The following ALG12 variants were observed in gnomAD, a reference collection of about 807,000 sequenced individuals.
The protein encoded by ALG12 is dol-P-Man:Man(7)GlcNAc(2)-PP-Dol alpha-1,6-mannosyltransferase.
A neutral mutation model predicts 46.0 loss-of-function variants in ALG12; 36 were observed. The ratio of observed to expected loss-of-function variants is 0.78; its 90% CI spans 0.60 to 1.03. The LOEUF (loss-of-function observed/expected upper bound fraction) is 1.03. ALG12 is among the 50% of genes least tolerant of loss of function. The pLI is 0.00. For missense variants in ALG12, 599 were observed against 633.5 expected (o/e 0.95, Z 0.58); for synonymous variants, 326 against 291.6 (o/e 1.12, Z -1.20).
chr22:49,868,979 C>T, the ALG12 span, among the ~76,000 whole-genome samples: 2 of 149,082 alleles, frequency 1.3e-5, no homozygotes, highest in African/African-American at 5.0e-5. Context: ...AAAAAATTAG[C>T]TGGGTGTGAT....
chr22:49,866,103 A>G, the ALG12 span, among the ~76,000 whole-genome samples: 3 of 149,698 alleles, frequency 2.0e-5, no homozygotes, highest in East Asian at 3.9e-4. Flanking sequence ...TTTCTTTCCA[A>G]GTGACTTTGT....
In ALG12 at chr22:49,913,586, A is replaced by G. The variant is rs2060593030; in HGVS notation, c.162+18T>C. 6.2e-7 allele frequency: 1 copy of G among 1,614,018 alleles called. No individual in the cohort carries two copies. Among genetic ancestry groups the G allele is most frequent in the Non-Finnish European group, 8.5e-7 (1 of 1,180,036 alleles). On this transcript the variant is annotated intron_variant, in intron 2 of 9. Transcript: ENST00000330817. ...TGGTAACATGAGGTTTTCCCCAAAG[A>G]CAGCAGGGGCCCCTCACCTGCTCCA...
chr22:49,900,724 TGGG>T lies in ALG12; in HGVS notation c.*3111_*3113del, dbSNP rs1232989075. The T allele has an allele frequency of 9.0e-5, 13 of 144,912 alleles. No homozygotes were observed. The highest frequency in any genetic ancestry group is 1.8e-4 in the Non-Finnish European group (12 of 64,974). The allele number at this position is 144,912 out of a possible 1,614,324, so 9.0% of individuals were successfully genotyped here. On this transcript the variant is annotated 3_prime_UTR_variant, in exon 10 of 10. Coordinates refer to ENST00000330817, the MANE Select transcript of ALG12 (RefSeq NM_024105.4). ...GGGGCCAGGGTCCTCAGGGTGGAGA[TGGG>T]GGGTGGGGGAGAACCGTGCAAGGTG...
At position 49,907,899 on chromosome 22, in the gene ALG12, G is replaced by A; in HGVS notation, c.814C>T (p.Leu272=). The change falls in exon 7 of 10, where the codon CTG becomes TTG. Residue 272 remains leucine (L), a synonymous_variant. Transcript: ENST00000330817. ...WYFYSALPRG[L]GCSLLFIPLG... ...GGGATGAAGAGCAGGCTGCAGCCCA[G>A]GCCGCGGGGCAGGGCTGAGTAGAAG... 1 of 1,613,672 alleles carries A rather than the reference G, an allele frequency of 6.2e-7. No homozygotes were observed. Among genetic ancestry groups the A allele is most frequent in the Non-Finnish European group, 8.5e-7 (1 of 1,180,000 alleles).
At position 49,902,306 on chromosome 22, in the gene ALG12, G is replaced by C. The variant is rs1281125047; in HGVS notation, c.*1532C>G. Reference sequence around the variant, plus strand: ...TATGCATAGTGTGCACGTGTGCACTGTGTGTGGATGCATGGTAATGTGCAC... The same window carrying C: ...TATGCATAGTGTGCACGTGTGCACTCTGTGTGGATGCATGGTAATGTGCAC... On this transcript the variant is annotated 3_prime_UTR_variant, in exon 10 of 10. Transcript: ENST00000330817. 1 of 135,060 alleles carries C rather than the reference G, an allele frequency of 7.4e-6. No individual in the cohort carries two copies. The highest frequency in any genetic ancestry group is 3.1e-5 in the African/African-American group (1 of 32,242). 8.4% of individuals were successfully genotyped at this position (135,060 alleles called of 1,614,324 possible).
chr22:49,904,590 C>A (rs1343395350), intron 7 of ALG12, 84 bp from the exon 8 acceptor site: 29 of 1,487,998 alleles, frequency 1.9e-5, no homozygotes, highest in Non-Finnish European at 2.6e-5. Context: ...AGGAGCATAA[C>A]CTGCTGTTCA....
At position 49,904,428 on chromosome 22, in the gene ALG12, G is replaced by C; in HGVS notation, c.1071C>G (p.Ala357=). Residue 357 remains alanine (A), a synonymous_variant, in exon 8 of 10, where the codon GCC becomes GCG. Coordinates refer to ENST00000330817, the MANE Select transcript of ALG12 (RefSeq NM_024105.4). The part of the protein sequence containing the change: ...LVIGHLVVNA[A]YSATALYVSH... The stretch of plus-strand genomic sequence containing the variant: ...ACACATACAGGGCCGTGGCTGAGTA[G>C]GCGGCATTCACCACGAGGTGTCCGA... The C allele has an allele frequency of 1.2e-6, 2 of 1,614,180 alleles. No homozygotes were observed. Among genetic ancestry groups the C allele is most frequent in the Non-Finnish European group, 1.7e-6 (2 of 1,180,034 alleles).
Position 49,913,820 on chromosome 22 carries a change from G to A in ALG12, c.-55C>T, listed in dbSNP as rs557286188. 42 of 1,604,560 alleles carry A rather than the reference G, an allele frequency of 2.6e-5. No homozygotes were observed. Among genetic ancestry groups the A allele is most frequent in the East Asian group, 8.9e-5 (4 of 44,872 alleles). On this transcript the variant is annotated 5_prime_UTR_variant, in exon 2 of 10. In the 5' UTR this introduces an upstream ATG that the reference lacks. Coordinates refer to ENST00000330817, the MANE Select transcript of ALG12 (RefSeq NM_024105.4). Reference sequence around the variant, plus strand: ...AGGCCAACAGTGCGAGACACCAGCCGTTAGCACTGCCACTCCACGCATGCT... The same window carrying A: ...AGGCCAACAGTGCGAGACACCAGCCATTAGCACTGCCACTCCACGCATGCT...
In ALG12 at chr22:49,903,719, T is replaced by A. The variant is rs199552388; in HGVS notation, c.*119A>T. 8.6e-7 allele frequency: 1 copy of A among 1,156,216 alleles called. No individual in the cohort carries two copies. Among genetic ancestry groups the A allele is most frequent in the Non-Finnish European group, 1.3e-6 (1 of 794,006 alleles). The allele number at this position is 1,156,216 out of a possible 1,614,324, so 71.6% of individuals were successfully genotyped here. A position where few individuals can be genotyped will look rare whatever the true frequency, so the allele number is the denominator to read the frequency against. On this transcript the variant is annotated 3_prime_UTR_variant, in exon 10 of 10. Coordinates refer to ENST00000330817, the MANE Select transcript of ALG12 (RefSeq NM_024105.4). ...TGGTCTGGTGTCTGTCAGAGGCAGG[T>A]GCCCAGTCCTTTGACTTGCTTCTCT...
rs1340474976 is a variant in ALG12, at chr22:49,903,715, C to G, written c.*123G>C. On this transcript the variant is annotated 3_prime_UTR_variant, in exon 10 of 10. Transcript: ENST00000330817. ...GACCTGGTCTGGTGTCTGTCAGAGGCAGGTGCCCAGTCCTTTGACTTGCTT... is the reference window on the plus strand; with the variant it reads ...GACCTGGTCTGGTGTCTGTCAGAGGGAGGTGCCCAGTCCTTTGACTTGCTT... 8.9e-7 allele frequency: 1 copy of G among 1,120,736 alleles called. No homozygotes were observed. The highest frequency in any genetic ancestry group is 1.5e-5 in the African/African-American group (1 of 65,336). The allele number at this position is 1,120,736 out of a possible 1,614,324, so 69.4% of individuals were successfully genotyped here.
In ALG12 at chr22:49,901,732, T is replaced by G; in HGVS notation, c.*2106A>C. The G allele has an allele frequency of 6.9e-6, 1 of 144,630 alleles. No homozygotes were observed. Among genetic ancestry groups the G allele is most frequent in the East Asian group, 2.0e-4 (1 of 4,882 alleles). The allele number at this position is 144,630 out of a possible 1,614,324, so 9.0% of individuals were successfully genotyped here. On this transcript the variant is annotated 3_prime_UTR_variant, in exon 10 of 10. Transcript: ENST00000330817. ...GCATGTGTGGTGTGTATGCATGGTGTGCACGTGCATTGTGCATGCGTGGTG... is the reference window on the plus strand; with the variant it reads ...GCATGTGTGGTGTGTATGCATGGTGGGCACGTGCATTGTGCATGCGTGGTG...
rs1269791209 is a variant in ALG12 at position 49,901,274 on chromosome 22, G to A, written c.*2564C>T. On this transcript the variant is annotated 3_prime_UTR_variant, in exon 10 of 10. Transcript: ENST00000330817. ...GTGGGATGCTGGGGCCAGGAAGCCTGCTCTCCAGCCCTCACCATCTGGCCT... is the reference window on the plus strand; with the variant it reads ...GTGGGATGCTGGGGCCAGGAAGCCTACTCTCCAGCCCTCACCATCTGGCCT... 1 of 152,282 alleles carries A rather than the reference G, an allele frequency of 6.6e-6. No individual in the cohort carries two copies. The highest frequency in any genetic ancestry group is 2.4e-5 in the African/African-American group (1 of 41,468). 9.4% of individuals were successfully genotyped at this position (152,282 alleles called of 1,614,324 possible).
the ALG12 span, among the ~76,000 whole-genome samples, chr22:49,860,158 G>A: frequency 6.6e-6 from 1 of 152,110 alleles, no homozygotes; most frequent in South Asian, 2.1e-4. Flanking sequence ...AATCAGCCGG[G>A]CATGATGGTA....
the ALG12 span, chr22:49,884,607 G>A: frequency 6.2e-7 from 1 of 1,612,534 alleles, no homozygotes; most frequent in Non-Finnish European, 8.5e-7. Context: ...AGTTCAGCCG[G>A]GGGAAGAATG....
In ALG12 at chr22:49,909,930, G is replaced by A. The variant is rs1414673061; in HGVS notation, c.628C>T (p.Leu210Phe). Residue 210 changes from leucine to phenylalanine, a missense_variant, in exon 5 of 10, where the codon CTT becomes TTT. By Grantham distance (22) the Leu-to-Phe change is conservative (BLOSUM62 0). Coordinates refer to ENST00000330817, the MANE Select transcript of ALG12 (RefSeq NM_024105.4). Reference sequence around the variant, plus strand: ...ATCCCTGCCGGGACGGCGTGGCGAAGGGCTCTGACTACAGAAACCTTTCGG... The same window carrying A: ...ATCCCTGCCGGGACGGCGTGGCGAAAGGCTCTGACTACAGAAACCTTTCGG... ...GNRKVSVVRA[L>F]RHAVPAGILC... 1.9e-6 allele frequency: 3 copies of A among 1,614,152 alleles called. No individual in the cohort carries two copies. The highest frequency in any genetic ancestry group is 1.7e-5 in the Admixed American group (1 of 60,032).
At chr22:49,868,405 C>G in the ALG12 span, among the ~76,000 whole-genome samples, 39 of 152,114 alleles carry the variant, frequency 2.6e-4, no homozygotes, top group African/African-American at 8.9e-4. Context: ...CATGGTGAAA[C>G]CCCATCTCCA....
chr22:49,865,851 G>C, the ALG12 span, among the ~76,000 whole-genome samples: 2 of 149,198 alleles, frequency 1.3e-5, no homozygotes, highest in Non-Finnish European at 2.9e-5. Context: ...TAAAATCCTT[G>C]GTTCACATTT....
At chr22:49,871,934 C>T in the ALG12 span, among the ~76,000 whole-genome samples, 3 of 151,980 alleles carry the variant, frequency 2.0e-5, no homozygotes, top group Admixed American at 1.3e-4. Flanking sequence ...TTAGTAGAGA[C>T]GAGGTTTCAC....
chr22:49,897,554 T>G (rs1398858410), downstream of ALG12, among the ~76,000 whole-genome samples: 1 of 152,216 alleles, frequency 6.6e-6, no homozygotes, highest in Non-Finnish European at 1.5e-5. Context: ...TTGTTTTAAT[T>G]TGCAATTCCC....
Sources: gnomAD v4.1 joint callset for allele counts (sites outside exome capture counted in the v4.1 genomes callset) on GRCh38, gnomAD v4.1.1 for gene constraint, MANE v1.5 for transcripts, NCBI Gene and HGNC (gene_info 2026-07-23, HGNC 2026-07-21) for gene names.